ARB2A: variants seen among roughly 807,000 people sequenced by gnomAD.
The protein encoded by ARB2A is cotranscriptional regulator ARB2A.
the ARB2A span, among the ~76,000 whole-genome samples, chr5:94,086,412 A>G: frequency 1.3e-5 from 2 of 152,206 alleles, no homozygotes; most frequent in Non-Finnish European, 2.9e-5. Flanking sequence ...ATCATGATAC[A>G]ACACATTACT....
chr5:94,043,640 T>C, the ARB2A span, among the ~76,000 whole-genome samples: 1 of 152,200 alleles, frequency 6.6e-6, no homozygotes, highest in Admixed American at 6.5e-5. Flanking sequence ...ACACAGTCCC[T>C]GTACAGGGTT....
the ARB2A span, among the ~76,000 whole-genome samples, chr5:93,930,660 A>G: frequency 6.6e-6 from 1 of 152,210 alleles, no homozygotes; most frequent in Non-Finnish European, 1.5e-5. Flanking sequence ...CAAGCCTTTC[A>G]ATTGAAGCAC....
chr5:94,002,084 G>A, the ARB2A span, among the ~76,000 whole-genome samples: 5 of 151,904 alleles, frequency 3.3e-5, no homozygotes, highest in African/African-American at 1.2e-4. Flanking sequence ...CTGGAGTTGA[G>A]TATTTCCCTT....
chr5:93,664,118 T>C, the ARB2A span, among the ~76,000 whole-genome samples: 1 of 141,518 alleles, frequency 7.1e-6, no homozygotes, highest in African/African-American at 2.6e-5. Context: ...TCACCCAGGC[T>C]GGGCGGGGGT....
At chr5:93,991,104 G>A in the ARB2A span, among the ~76,000 whole-genome samples, 1 of 152,070 alleles carries the variant, frequency 6.6e-6, no homozygotes, top group Non-Finnish European at 1.5e-5. Flanking sequence ...AGAACTACTG[G>A]AGAAAACTTA....
At chr5:94,096,265 A>G in the ARB2A span, among the ~76,000 whole-genome samples, 4 of 152,214 alleles carry the variant, frequency 2.6e-5, no homozygotes, top group Non-Finnish European at 5.9e-5. Context: ...CTTGGTCACA[A>G]TTGTAGCTTG....
chr5:94,069,046 A>ATAGATAGATAGG, the ARB2A span, among the ~76,000 whole-genome samples: 5 of 148,434 alleles, frequency 3.4e-5, no homozygotes, highest in African/African-American at 1.2e-4. Flanking sequence ...AAAAAGATAG[A>ATAGATAGATAGG]TAGATAGATA....
chr5:93,967,424 C>A, the ARB2A span, among the ~76,000 whole-genome samples: 1 of 152,088 alleles, frequency 6.6e-6, no homozygotes, highest in Non-Finnish European at 1.5e-5. Flanking sequence ...AGTGAGGCCA[C>A]AGAGCAAACT....
chr5:93,829,839 T>C, the ARB2A span, among the ~76,000 whole-genome samples: 4 of 152,308 alleles, frequency 2.6e-5, no homozygotes, highest in East Asian at 7.7e-4. Context: ...AAAATGAGGA[T>C]AGTGGTTAAC....
the ARB2A span, among the ~76,000 whole-genome samples, chr5:93,962,598 C>G: frequency 6.6e-6 from 1 of 151,896 alleles, no homozygotes; most frequent in African/African-American, 2.4e-5. Flanking sequence ...TTACAGACAC[C>G]CACATACAAA....
At chr5:94,005,025 A>AG in the ARB2A span, among the ~76,000 whole-genome samples, 2 of 110,088 alleles carry the variant, frequency 1.8e-5, no homozygotes, top group Non-Finnish European at 3.6e-5. Flanking sequence ...AAAAAAAAAA[A>AG]AGAGAGAGGA....
chr5:93,693,288 AAAAT>A, the ARB2A span, among the ~76,000 whole-genome samples: 3 of 152,212 alleles, frequency 2.0e-5, no homozygotes, highest in African/African-American at 7.2e-5. Context: ...AAAGATCAAC[AAAAT>A]AAATAGACTG....
chr5:94,102,493 T>C, the ARB2A span, among the ~76,000 whole-genome samples: 1 of 151,988 alleles, frequency 6.6e-6, no homozygotes, highest in Admixed American at 6.6e-5. Context: ...ATAAAAAGAA[T>C]GAACAAAATC....
chr5:94,056,342 ATTT>A, the ARB2A span, among the ~76,000 whole-genome samples: 1 of 152,170 alleles, frequency 6.6e-6, no homozygotes, highest in Non-Finnish European at 1.5e-5. Flanking sequence ...CCTGATATAG[ATTT>A]TTTTATTTCA....
the ARB2A span, among the ~76,000 whole-genome samples, chr5:93,974,228 GATCT>G: frequency 6.6e-6 from 1 of 151,968 alleles, no homozygotes; most frequent in African/African-American, 2.4e-5. Context: ...TCAAAGTAAA[GATCT>G]ATCTATACAG....
chr5:93,671,368 A>G, the ARB2A span, among the ~76,000 whole-genome samples: 8 of 152,274 alleles, frequency 5.3e-5, no homozygotes, highest in African/African-American at 1.9e-4. Context: ...AAGAATAAAG[A>G]TAAAAGCCCA....
chr5:93,701,578 GT>G, the ARB2A span, among the ~76,000 whole-genome samples: 298 of 144,216 alleles, frequency 2.1e-3, no homozygotes, highest in African/African-American at 5.7e-3. Context: ...AATAATCCCT[GT>G]TTTTTTTTTT....
At chr5:93,976,370 C>G in the ARB2A span, among the ~76,000 whole-genome samples, 1 of 152,132 alleles carries the variant, frequency 6.6e-6, no homozygotes. Flanking sequence ...TCTCATCACT[C>G]CTATTCAAGA....
the ARB2A span, chr5:93,860,649 C>CTTTTTTTT: frequency 6.6e-5 from 9 of 136,436 alleles, no homozygotes; most frequent in East Asian, 2.2e-4. Context: ...TTGTTTCTTT[C>CTTTTTTTT]TTTTTTTTTT....
Sources: gnomAD v4.1 joint callset for allele counts (sites outside exome capture counted in the v4.1 genomes callset) on GRCh38, gnomAD v4.1.1 for gene constraint, MANE v1.5 for transcripts, NCBI Gene and HGNC (gene_info 2026-07-23, HGNC 2026-07-21) for gene names.